The following MAGI1 variants were observed in gnomAD, a reference collection of about 807,000 sequenced individuals.
MAGI1 encodes membrane associated guanylate kinase, WW and PDZ domain containing 1.
Under a neutral mutation model 139.9 loss-of-function variants are expected in MAGI1, and 58 were observed. The observed-to-expected ratio is 0.41, with a 90% CI of 0.34 to 0.52. The LOEUF (loss-of-function observed/expected upper bound fraction) is 0.52, where lower values mean the gene tolerates loss of function less well. Among genes scored for constraint, MAGI1 ranks in the 20% least tolerant of loss-of-function variants. The pLI is 0.12. For missense variants in MAGI1, 1,874 were observed against 1,901.6 expected, an observed-to-expected ratio of 0.99 and a Z score of 0.27; for synonymous variants, 812 against 737.9, an observed-to-expected ratio of 1.10 and a Z score of -1.63.
At position 65,478,705 on chromosome 3, in the gene MAGI1, T is replaced by G; in HGVS notation, c.644A>C (p.Lys215Thr). 1 of 1,614,110 alleles carries G rather than the reference T, an allele frequency of 6.2e-7. No individual in the cohort carries two copies. The highest frequency in any genetic ancestry group is 8.5e-7 in the Non-Finnish European group (1 of 1,179,994). ...CTTGGTTCGCTTCGGGGTCGACTGC[T>G]TAGAGCCAGACTGAAGGCTGTGCAA... ...DALHSLQSGS[K>T]QSTPKRTKSY... The change falls in exon 4 of 23, where the codon AAG becomes ACG. Residue 215 changes from lysine (K) to threonine (T), a missense_variant. By Grantham distance (78) the Lys-to-Thr change is moderately conservative (BLOSUM62 -1). Around this residue, in one of 5 missense-constraint regions of MAGI1, gnomAD observed 648 missense variants for 598.1 expected, o/e 1.08. Coordinates refer to ENST00000402939, the MANE Select transcript of MAGI1 (RefSeq NM_001033057.2).
chr3:65,578,220 C>G (rs1345969072), intron 2 of MAGI1, among the ~76,000 whole-genome samples: 1 of 152,174 alleles, frequency 6.6e-6, no homozygotes, highest in East Asian at 1.9e-4. Context: ...CCCATAAATT[C>G]ACAGTTTTAT....
chr3:65,918,531 C>T (rs2108719772), intron 1 of MAGI1, among the ~76,000 whole-genome samples: 1 of 152,088 alleles, frequency 6.6e-6, no homozygotes, highest in South Asian at 2.1e-4. Flanking sequence ...CAGGTGTGCA[C>T]CACCACGCCC....
intron 1 of MAGI1, among the ~76,000 whole-genome samples, chr3:65,848,613 A>T (rs2059090236): frequency 6.6e-6 from 1 of 151,162 alleles, no homozygotes. Context: ...CTAAGCTGAG[A>T]GTTTTCACTG....
chr3:65,673,092 T>C (rs995165635), intron 1 of MAGI1, among the ~76,000 whole-genome samples: 14 of 152,168 alleles, frequency 9.2e-5, no homozygotes, highest in Non-Finnish European at 1.9e-4. Flanking sequence ...ACAGAGCTGT[T>C]GCACTTGTGC....
intron 1 of MAGI1, among the ~76,000 whole-genome samples, chr3:65,785,187 C>G (rs6808348): frequency 0.034 from 5,219 of 151,702 alleles, 305 homozygotes; most frequent in African/African-American, 0.12. Flanking sequence ...GAGTTACTTA[C>G]TAAGTAATTT....
chr3:65,948,354 C>A (rs1322796163), intron 1 of MAGI1, among the ~76,000 whole-genome samples: 3 of 152,158 alleles, frequency 2.0e-5, no homozygotes, highest in Non-Finnish European at 2.9e-5. Context: ...TTTCATAAAA[C>A]CCCAAATTTT....
chr3:65,966,931 T>C (rs564531574), intron 1 of MAGI1, among the ~76,000 whole-genome samples: 10 of 152,222 alleles, frequency 6.6e-5, no homozygotes, highest in Non-Finnish European at 1.3e-4. Flanking sequence ...ACAGTAACCG[T>C]TGTTTTAAGT....
intron 1 of MAGI1, among the ~76,000 whole-genome samples, chr3:65,819,035 C>T (rs1171900365): frequency 6.6e-6 from 1 of 152,050 alleles, no homozygotes; most frequent in African/African-American, 2.4e-5. Flanking sequence ...CTTTGTAATC[C>T]CAACACTTTG....
intron 13 of MAGI1, among the ~76,000 whole-genome samples, chr3:65,394,283 A>C (rs1944203453): frequency 6.6e-6 from 1 of 152,172 alleles, no homozygotes; most frequent in African/African-American, 2.4e-5. Context: ...ATTTAGGTCC[A>C]ATTTAACACC....
chr3:65,600,413 T>C (rs1193866302), intron 2 of MAGI1, among the ~76,000 whole-genome samples: 3 of 152,218 alleles, frequency 2.0e-5, no homozygotes, highest in Non-Finnish European at 4.4e-5. Context: ...GGTTTCTCTA[T>C]GTGCAAGAGA....
chr3:65,758,906 C>A (rs1283846766), intron 1 of MAGI1, among the ~76,000 whole-genome samples: 1 of 151,890 alleles, frequency 6.6e-6, no homozygotes, highest in African/African-American at 2.4e-5. Context: ...TTTACTTAGT[C>A]CCCACATTTT....
chr3:65,496,030 G>T (rs919629996), intron 2 of MAGI1, among the ~76,000 whole-genome samples: 1 of 152,004 alleles, frequency 6.6e-6, no homozygotes, highest in African/African-American at 2.4e-5. Flanking sequence ...GGGGTGCGTT[G>T]ATTTGGTTTT....
At chr3:65,471,874 C>G (rs1247002147) in intron 4 of MAGI1, among the ~76,000 whole-genome samples, 1 of 152,150 alleles carries the variant, frequency 6.6e-6, no homozygotes, top group Non-Finnish European at 1.5e-5. Flanking sequence ...GGTTCTCATG[C>G]TGCAGGTGCT....
At chr3:65,769,688 G>T (rs1354992212) in intron 1 of MAGI1, among the ~76,000 whole-genome samples, 1 of 152,134 alleles carries the variant, frequency 6.6e-6, no homozygotes, top group Non-Finnish European at 1.5e-5. Flanking sequence ...TTGATGATAA[G>T]ATGTAGATGT....
intron 1 of MAGI1, among the ~76,000 whole-genome samples, chr3:65,821,470 C>G (rs977281921): frequency 1.3e-5 from 2 of 152,132 alleles, no homozygotes; most frequent in Non-Finnish European, 2.9e-5. Context: ...GGATGAGAAA[C>G]TGAATACATT....
chr3:65,466,564 G>T (rs909740234), intron 5 of MAGI1, among the ~76,000 whole-genome samples: 1 of 152,090 alleles, frequency 6.6e-6, no homozygotes, highest in African/African-American at 2.4e-5. Context: ...TCTCACTATT[G>T]CTCCCAAGCT....
intron 2 of MAGI1, among the ~76,000 whole-genome samples, chr3:65,505,350 A>G (rs2077238766): frequency 1.3e-5 from 2 of 151,268 alleles, no homozygotes; most frequent in Admixed American, 1.3e-4. Context: ...GGTTAATGCT[A>G]AATACTGAAT....
chr3:65,763,962 C>T (rs1279249132), intron 1 of MAGI1, among the ~76,000 whole-genome samples: 2 of 150,428 alleles, frequency 1.3e-5, no homozygotes, highest in Non-Finnish European at 3.0e-5. Context: ...GTGCCAGCTA[C>T]TGGGGAGGCT....
At chr3:65,745,540 T>C (rs1159704665) in intron 1 of MAGI1, among the ~76,000 whole-genome samples, 2 of 152,234 alleles carry the variant, frequency 1.3e-5, no homozygotes, top group Non-Finnish European at 2.9e-5. Context: ...GAAGACAGCA[T>C]CTGTCAAGTC....
Sources: gnomAD v4.1 joint callset for allele counts (sites outside exome capture counted in the v4.1 genomes callset) on GRCh38, gnomAD v4.1.1 for gene constraint, gnomAD v4.1.1 regional missense constraint, MANE v1.5 for transcripts, NCBI Gene and HGNC (gene_info 2026-07-23, HGNC 2026-07-21) for gene names.